Variants in CLPTM1 observed in about 807,000 individuals in gnomAD.
CLPTM1 encodes the protein putative lipid scramblase CLPTM1.
In CLPTM1, 21 loss-of-function variants were observed where a neutral mutation model predicts 77.3. The observed-to-expected ratio is 0.27, with a 90% CI of 0.19 to 0.39. CLPTM1 has a LOEUF of 0.39. CLPTM1 is among the 10% of genes least tolerant of loss of function. The probability of loss-of-function intolerance (pLI) is 1.00; values close to 1 mark genes in which losing one functional copy is unlikely to be tolerated. For synonymous variants in CLPTM1, 373 were observed against 381.0 expected (o/e 0.98, Z 0.24); for missense variants, 642 against 921.2 (o/e 0.70, Z 3.92).
intron 1 of CLPTM1, among the ~76,000 whole-genome samples, chr19:44,958,525 C>A (rs1400952622): frequency 6.6e-6 from 1 of 152,116 alleles, no homozygotes; most frequent in Non-Finnish European, 1.5e-5. Flanking sequence ...GCACCTGCCA[C>A]CACACCCAGC....
In CLPTM1 at chr19:44,992,909, CCT is replaced by C. The variant is rs1163852226; in HGVS notation, c.*14_*15del. Reference sequence around the variant, plus strand: ...AGAAAAAGGATTAGTCGAGACTGGTCCTCACCTGCTCCGGCTCCTGGCGACCA... The same window carrying C: ...AGAAAAAGGATTAGTCGAGACTGGTCCACCTGCTCCGGCTCCTGGCGACCA... On this transcript the variant is annotated 3_prime_UTR_variant, in exon 14 of 14. Transcript: ENST00000337392. This position sits in a 1 kb window ranked among gnomAD's most constrained non-coding sequence, Gnocchi z 7.7. The C allele has an allele frequency of 1.2e-6, 2 of 1,611,796 alleles. No individual in the cohort carries two copies. The highest frequency in any genetic ancestry group is 2.2e-5 in the South Asian group (2 of 90,920).
At chr19:44,964,156 G>A (rs547548683) in intron 2 of CLPTM1, among the ~76,000 whole-genome samples, 4 of 151,870 alleles carry the variant, frequency 2.6e-5, no homozygotes, top group Non-Finnish European at 5.9e-5. Flanking sequence ...GCAAAAAAAA[G>A]TTGGGGGGAC....
In CLPTM1 at chr19:44,986,620, G is replaced by GGT. The variant is rs749231863; in HGVS notation, c.793+47_793+48dup. ...CAGCTGCCTGCAGAGCCTTTGAGAGGGTGCTCGGGGTCCATCTCCTTGTCT... is the reference window on the plus strand; with the variant it reads ...CAGCTGCCTGCAGAGCCTTTGAGAGGGTGTGCTCGGGGTCCATCTCCTTGTCT... On this transcript the variant is annotated intron_variant, in intron 7 of 13. Transcript: ENST00000337392. The GGT allele has an allele frequency of 3.1e-6, 5 of 1,598,682 alleles. No homozygotes were observed. In the East Asian group the frequency reaches 8.9e-5, roughly 29 times the overall value.
At chr19:44,981,929 GA>G (rs1970903400) in intron 5 of CLPTM1, among the ~76,000 whole-genome samples, 1 of 151,936 alleles carries the variant, frequency 6.6e-6, no homozygotes. Context: ...AAAAGGTAAA[GA>G]AAAACCATGA....
chr19:44,965,682 C>T (rs1247659466), intron 2 of CLPTM1, among the ~76,000 whole-genome samples: 3 of 151,894 alleles, frequency 2.0e-5, no homozygotes, highest in South Asian at 4.1e-4. Context: ...GGTGTGGTGG[C>T]GGGCGCCTGT....
At chr19:44,972,136 C>T (rs1237732640) in intron 2 of CLPTM1, among the ~76,000 whole-genome samples, 6 of 151,874 alleles carry the variant, frequency 4.0e-5, no homozygotes, top group Non-Finnish European at 7.4e-5. Context: ...CCCAAAGTTA[C>T]AGGCATGAGC....
At chr19:44,955,346 TCGGGGACGGGGCGGGGCTGGCGG>T, upstream of CLPTM1, 2 of 1,049,994 alleles carry the variant, frequency 1.9e-6, no homozygotes, top group Non-Finnish European at 2.4e-6. Flanking sequence ...CGCTGCGAAG[TCGGGGACGGGGCGGGGCTGGCGG>T]CGGGGGCGGG....
At position 44,992,472 on chromosome 19, in the gene CLPTM1, G is replaced by C. The variant is rs937067204; in HGVS notation, c.1723+72G>C. 5 of 1,598,916 alleles carry C rather than the reference G, an allele frequency of 3.1e-6. No individual in the cohort carries two copies. Among genetic ancestry groups the C allele is most frequent in the Non-Finnish European group, 4.3e-6 (5 of 1,169,144 alleles). ...GAGGCAGTCTTTAGGGCCCAGGCCT[G>C]AGGGGGTGCCACGGCCCCAGATGGG... On this transcript the variant is annotated intron_variant, in intron 13 of 13. Coordinates refer to ENST00000337392, the MANE Select transcript of CLPTM1 (RefSeq NM_001294.4). The surrounding 1 kb of genome is among the most constrained non-coding windows in gnomAD (Gnocchi z 7.7).
intron 5 of CLPTM1, among the ~76,000 whole-genome samples, chr19:44,983,425 C>T (rs1283138108): frequency 6.6e-6 from 1 of 151,424 alleles, no homozygotes; most frequent in African/African-American, 2.4e-5. Flanking sequence ...TTGAGACCAG[C>T]CTGGGCAACA....
At position 44,992,272 on chromosome 19, in the gene CLPTM1, A is replaced by G; in HGVS notation, c.1595A>G (p.Lys532Arg). 6.2e-7 allele frequency: 1 copy of G among 1,614,054 alleles called. No individual in the cohort carries two copies. The highest frequency in any genetic ancestry group is 8.5e-7 in the Non-Finnish European group (1 of 1,179,958). ...TMTPQLFINY[K>R]LKSVAHLPWR... ...ACGCCCCAGCTCTTCATCAACTACA[A>G]GCTCAAGTCTGTGGCCCACCTTCCC... Residue 532 changes from lysine (K) to arginine (R), a missense_variant, in exon 13 of 14, where the codon AAG becomes AGG. This residue lies in a region of CLPTM1 where 521 missense variants were observed against 800.4 expected (regional missense o/e 0.65). Coordinates refer to ENST00000337392, the MANE Select transcript of CLPTM1 (RefSeq NM_001294.4). This position sits in a 1 kb window ranked among gnomAD's most constrained non-coding sequence, Gnocchi z 7.7.
Position 44,974,448 on chromosome 19 carries a change from G to A in CLPTM1, c.319G>A (p.Val107Met). Residue 107 changes from valine to methionine, a missense_variant, in exon 4 of 14, where the codon GTG (valine) becomes ATG (methionine). This residue lies in a region of CLPTM1 where 521 missense variants were observed against 800.4 expected (regional missense o/e 0.65). Coordinates refer to ENST00000337392, the MANE Select transcript of CLPTM1 (RefSeq NM_001294.4). ...CTTCCTGTCCCAACAGAACCTGCATGTGTACATCTCAGAGCACGAGCACTT... is the reference window on the plus strand; with the variant it reads ...CTTCCTGTCCCAACAGAACCTGCATATGTACATCTCAGAGCACGAGCACTT... ...FPKDTLMNLHVYISEHEHFTD... is the reference protein window; with the variant it reads ...FPKDTLMNLHMYISEHEHFTD... 6.2e-7 allele frequency: 1 copy of A among 1,613,304 alleles called. No homozygotes were observed. The highest frequency in any genetic ancestry group is 8.5e-7 in the Non-Finnish European group (1 of 1,179,358).
chr19:44,954,800 G>T, upstream of CLPTM1: 1 of 1,281,574 alleles, frequency 7.8e-7, no homozygotes. Flanking sequence ...TTGGCCGTAA[G>T]ACCCCTGGAA....
At chr19:44,984,413 A>T (rs73558200) in intron 5 of CLPTM1, 14,638 of 152,374 alleles carry the variant, frequency 0.096, 1,173 homozygotes, top group African/African-American at 0.22. Context: ...GAATGACTGC[A>T]TAGGCTCATT....
chr19:44,967,285 C>T (rs1341892750), intron 2 of CLPTM1, among the ~76,000 whole-genome samples: 1 of 152,086 alleles, frequency 6.6e-6, no homozygotes, highest in Non-Finnish European at 1.5e-5. Context: ...TACTACTGCA[C>T]TCCAGCCTAG....
intron 2 of CLPTM1, among the ~76,000 whole-genome samples, chr19:44,969,242 C>T (rs144874341): frequency 6.5e-4 from 99 of 152,222 alleles, no homozygotes; most frequent in Admixed American, 8.5e-4. Context: ...TTATAAACTA[C>T]CCTATGAGAG....
intron 1 of CLPTM1, among the ~76,000 whole-genome samples, chr19:44,957,835 G>A (rs1482163483): frequency 6.6e-6 from 1 of 152,220 alleles, no homozygotes; most frequent in Admixed American, 6.5e-5. Context: ...TTCAGCGAAT[G>A]CGAATTGAGT....
At chr19:44,970,516 C>T (rs1970701486) in intron 2 of CLPTM1, among the ~76,000 whole-genome samples, 1 of 144,382 alleles carries the variant, frequency 6.9e-6, no homozygotes, top group South Asian at 2.2e-4. Flanking sequence ...TCTCCCACCT[C>T]AGCCTCCTGA....
chr19:44,976,418 A>T (rs1970806471), intron 4 of CLPTM1, among the ~76,000 whole-genome samples: 2 of 152,210 alleles, frequency 1.3e-5, no homozygotes, highest in South Asian at 4.1e-4. Context: ...CCAGGAGTTT[A>T]AGACTGTAGT....
At chr19:44,955,500 T>G (rs1970448095) in intron 1 of CLPTM1, 33 bp downstream of exon 1, 15 of 1,271,668 alleles carry the variant, frequency 1.2e-5, no homozygotes, top group Non-Finnish European at 1.4e-5. Flanking sequence ...GAGGGGGTTC[T>G]TCCCCAGCCG....
Sources: gnomAD v4.1 joint callset for allele counts (sites outside exome capture counted in the v4.1 genomes callset) on GRCh38, gnomAD v4.1.1 for gene constraint, gnomAD v4.1.1 regional missense constraint, Gnocchi (gnomAD v3.1) non-coding constraint, MANE v1.5 for transcripts, NCBI Gene and HGNC (gene_info 2026-07-23, HGNC 2026-07-21) for gene names.